The following DHX33 variants were observed in gnomAD, a reference collection of about 807,000 sequenced individuals.
DHX33 encodes the protein DEAH-box helicase 33.
A neutral mutation model predicts 72.5 loss-of-function variants in DHX33; 42 were observed. That is an observed-to-expected ratio of 0.58 (90% CI 0.45 to 0.75). The LOEUF is 0.75. DHX33 is among the 30% of genes least tolerant of loss of function. DHX33 has a pLI of 0.00. For missense variants in DHX33, 842 were observed against 917.5 expected (o/e 0.92, Z 1.06); for synonymous variants, 358 against 366.1 (o/e 0.98, Z 0.25).
chr17:5,441,593 T>C lies in DHX33; in HGVS notation c.*2612A>G, dbSNP rs1416892852. 6.6e-6 allele frequency: 1 copy of C among 152,208 alleles called. No homozygotes were observed. Among genetic ancestry groups the C allele is most frequent in the Admixed American group, 6.5e-5 (1 of 15,284 alleles). 9.4% of individuals were successfully genotyped at this position (152,208 alleles called of 1,614,324 possible). ...AAGTGTACTATCTCCTGCAGCTCAA[T>C]ATAAACAACGATGTATTTCTTTGTA... On this transcript the variant is annotated 3_prime_UTR_variant, in exon 12 of 12. Transcript: ENST00000225296.
At position 5,460,921 on chromosome 17, in the gene DHX33, T is replaced by C; in HGVS notation, c.849+18A>G. ...AGATAAAAGAGAACTTTTCAGGAAT[T>C]TGCCCCCAGCACCATACCTGGTGGA... On this transcript the variant is annotated intron_variant, in intron 4 of 11. Coordinates refer to ENST00000225296, the MANE Select transcript of DHX33 (RefSeq NM_020162.4). 6.3e-7 allele frequency: 1 copy of C among 1,595,300 alleles called. No individual in the cohort carries two copies. The highest frequency in any genetic ancestry group is 8.6e-7 in the Non-Finnish European group (1 of 1,167,944).
In DHX33 at chr17:5,462,301, G is replaced by GGGAAGTTTCCCTCATACTTTCAGA. The variant is rs756826983; in HGVS notation, c.672_678+17dup. 3 of 1,606,718 alleles carry GGGAAGTTTCCCTCATACTTTCAGA rather than the reference G, an allele frequency of 1.9e-6. No homozygotes were observed. In the African/African-American group the frequency reaches 4.0e-5, roughly 22 times the overall value. ...GGGGAAGTTTCCCTCATACTTTCAG[G>GGGAAGTTTCCCTCATACTTTCAGA]GGAAGTTTCCCTCATACTTTCAGAG... On this transcript the variant is annotated intron_variant, in intron 3 of 11. Coordinates refer to ENST00000225296, the MANE Select transcript of DHX33 (RefSeq NM_020162.4).
At chr17:5,460,917 G>A (rs760380631) in intron 4 of DHX33, 22 bp downstream of exon 4, 3 of 1,593,424 alleles carry the variant, frequency 1.9e-6, no homozygotes, top group South Asian at 1.1e-5. Flanking sequence ...AACTTTTCAG[G>A]AATTTGCCCC....
In DHX33 at chr17:5,442,280, G is replaced by C. The variant is rs1916466406; in HGVS notation, c.*1925C>G. ...TTTTTTTTTTTTTTTTTTTTTACCA[G>C]CACTATGAATGATTAAAAATACAAT... On this transcript the variant is annotated 3_prime_UTR_variant, in exon 12 of 12. Coordinates refer to ENST00000225296, the MANE Select transcript of DHX33 (RefSeq NM_020162.4). 8.0e-6 allele frequency: 1 copy of C among 125,714 alleles called. No individual in the cohort carries two copies. Among genetic ancestry groups the C allele is most frequent in the Non-Finnish European group, 1.6e-5 (1 of 61,582 alleles). 7.8% of individuals were successfully genotyped at this position (125,714 alleles called of 1,614,324 possible).
chr17:5,455,023 G>C (rs1043465201), intron 6 of DHX33, 137 bp downstream of exon 6: 49 of 740,412 alleles, frequency 6.6e-5, no homozygotes, highest in Non-Finnish European at 1.0e-4. Context: ...TGGAGTGTAG[G>C]TGATCTCACT....
chr17:5,448,727 C>A, intron 11 of DHX33, 82 bp downstream of exon 11: 1 of 984,416 alleles, frequency 1.0e-6, no homozygotes, highest in Non-Finnish European at 1.5e-6. Context: ...TTTATAATCA[C>A]TAGCAATAAG....
At chr17:5,463,363 A>G (rs1429612053) in intron 2 of DHX33, among the ~76,000 whole-genome samples, 166 bp downstream of exon 2, 1 of 152,230 alleles carries the variant, frequency 6.6e-6, no homozygotes, top group Non-Finnish European at 1.5e-5. Flanking sequence ...CATGGGACCA[A>G]TAGAGCCCCT....
rs1272055137 is a variant in DHX33 at position 5,441,236 on chromosome 17, T to G, written c.*2969A>C. 2 of 152,258 alleles carry G rather than the reference T, an allele frequency of 1.3e-5. No homozygotes were observed. Among genetic ancestry groups the G allele is most frequent in the Non-Finnish European group, 2.9e-5 (2 of 68,052 alleles). 9.4% of individuals were successfully genotyped at this position (152,258 alleles called of 1,614,324 possible). On this transcript the variant is annotated 3_prime_UTR_variant, in exon 12 of 12. Coordinates refer to ENST00000225296, the MANE Select transcript of DHX33 (RefSeq NM_020162.4). ...TCAGTTTCACCCACAGGGCAGAACT[T>G]GCCTCCATTCAGGCATCTCTTTACA...
intron 1 of DHX33, 27 bp from the exon 2 acceptor site, chr17:5,463,716 A>C (rs1904748068): frequency 6.7e-7 from 1 of 1,493,932 alleles, no homozygotes; most frequent in South Asian, 1.2e-5. Context: ...AAAAAAAAAA[A>C]GGCTCACTGA....
rs780181372 is a variant in DHX33 at position 5,456,201 on chromosome 17, G to A, written c.850-19C>T. ...GGGCTTCCTGTAAAAAAAGTAGAGT[G>A]GGTTTACTAGGCATTGATAGAATTG... On this transcript the variant is annotated intron_variant, in intron 4 of 11. Transcript: ENST00000225296. The A allele has an allele frequency of 1.9e-6, 3 of 1,611,390 alleles. No homozygotes were observed. Among genetic ancestry groups the A allele is most frequent in the Non-Finnish European group, 2.5e-6 (3 of 1,177,798 alleles).
At position 5,444,010 on chromosome 17, in the gene DHX33, C is replaced by A. The variant is rs1916532884; in HGVS notation, c.*195G>T. 7.1e-6 allele frequency: 4 copies of A among 566,616 alleles called. No individual in the cohort carries two copies. In the South Asian group the frequency reaches 1.0e-4, roughly 15 times the overall value. The allele number at this position is 566,616 out of a possible 1,614,324, so 35.1% of individuals were successfully genotyped here. A position where few individuals can be genotyped will look rare whatever the true frequency, so the allele number is the denominator to read the frequency against. ...ACCAAAAGCATAATTTTGAGGTTTCCAGGTACAAATGATATGTCCATGTCT... is the reference window on the plus strand; with the variant it reads ...ACCAAAAGCATAATTTTGAGGTTTCAAGGTACAAATGATATGTCCATGTCT... On this transcript the variant is annotated 3_prime_UTR_variant, in exon 12 of 12. Transcript: ENST00000225296. This position sits in a 1 kb window ranked among gnomAD's most constrained non-coding sequence, Gnocchi z 4.9.
chr17:5,468,223 C>G (rs533081405), intron 1 of DHX33, among the ~76,000 whole-genome samples: 6 of 152,218 alleles, frequency 3.9e-5, no homozygotes, highest in African/African-American at 7.2e-5. Context: ...GGCTTTCCCC[C>G]CTGCCTAGAA....
rs1018249443 is a variant in DHX33, at chr17:5,442,311, T to C, written c.*1894A>G. 3.3e-5 allele frequency: 5 copies of C among 150,862 alleles called. No individual in the cohort carries two copies. The highest frequency in any genetic ancestry group is 1.2e-4 in the African/African-American group (5 of 40,832). The allele number at this position is 150,862 out of a possible 1,614,324, so 9.3% of individuals were successfully genotyped here. A position where few individuals can be genotyped will look rare whatever the true frequency, so the allele number is the denominator to read the frequency against. ...TGAATGATTAAAAATACAATATTTT[T>C]CTTACTAAGTAGGACTAAACATTCT... On this transcript the variant is annotated 3_prime_UTR_variant, in exon 12 of 12. Coordinates refer to ENST00000225296, the MANE Select transcript of DHX33 (RefSeq NM_020162.4).
chr17:5,445,605 G>A (rs1206734807), intron 11 of DHX33, among the ~76,000 whole-genome samples: 1 of 152,184 alleles, frequency 6.6e-6, no homozygotes, highest in Non-Finnish European at 1.5e-5. Flanking sequence ...ACAAACCAGT[G>A]GTACACACAC....
rs1339783397 is a variant in DHX33 at position 5,462,518 on chromosome 17, ACAT to A, written c.476_478del (p.Asp159del). The A allele has an allele frequency of 9.9e-6, 16 of 1,614,044 alleles. No homozygotes were observed. Among genetic ancestry groups the A allele is most frequent in the Non-Finnish European group, 1.4e-5 (16 of 1,180,020 alleles). On this transcript the variant is annotated inframe_deletion, in exon 3 of 12. Transcript: ENST00000225296. ...CTTGATCCTGGTGTCTTCTGAGGTGACATCATCAAAGCGCACTGTATAGCCAAC... is the reference window on the plus strand; with the variant it reads ...CTTGATCCTGGTGTCTTCTGAGGTGACATCAAAGCGCACTGTATAGCCAAC...
At position 5,462,344 on chromosome 17, in the gene DHX33, T is replaced by C; in HGVS notation, c.653A>G (p.Lys218Arg). 6 of 1,614,162 alleles carry C rather than the reference T, an allele frequency of 3.7e-6. No homozygotes were observed. Among genetic ancestry groups the C allele is most frequent in the Non-Finnish European group, 5.1e-6 (6 of 1,179,996 alleles). ...TTTCAGAGGAAGTTTCCCGAGTTCC[T>C]TTCTCCTCTTCTGTGCAGCTTTCAC... is the stretch of plus-strand genomic sequence containing the variant. The part of the protein sequence containing the change: ...GVVKAAQKRR[K>R]ELGKLPLKVI... The change falls in exon 3 of 12, where the codon AAG (lysine) becomes AGG (arginine). Residue 218 changes from lysine to arginine, a missense_variant. Lys to Arg is a conservative substitution (Grantham distance 26, BLOSUM62 2). Coordinates refer to ENST00000225296, the MANE Select transcript of DHX33 (RefSeq NM_020162.4).
In DHX33 at chr17:5,444,510, A is replaced by G. The variant is rs1462732001; in HGVS notation, c.1819T>C (p.Ser607Pro). 3 of 1,613,066 alleles carry G rather than the reference A, an allele frequency of 1.9e-6. No individual in the cohort carries two copies. The highest frequency in any genetic ancestry group is 1.7e-5 in the Admixed American group (1 of 60,014). ...AQLRDICLKMSMPIASSRGDV... is the reference protein window; with the variant it reads ...AQLRDICLKMPMPIASSRGDV... ...CCTCGGGATGATGCGATTGGCATTG[A>G]CATCTGTTTCGGGAGAAAGCGAGGA... Residue 607 changes from serine (S) to proline (P), a missense_variant, in exon 12 of 12, where the codon TCA becomes CCA. Transcript: ENST00000225296. The surrounding 1 kb of genome is among the most constrained non-coding windows in gnomAD (Gnocchi z 4.9).
At chr17:5,454,001 A>G (rs1328346473) in intron 6 of DHX33, 21 bp from the exon 7 acceptor site, 2 of 1,610,364 alleles carry the variant, frequency 1.2e-6, no homozygotes, top group Non-Finnish European at 8.5e-7. Context: ...AGTGAGCCCC[A>G]TTAGTGCTTC....
intron 11 of DHX33, among the ~76,000 whole-genome samples, chr17:5,445,442 C>T (rs1001308878): frequency 6.6e-5 from 10 of 152,198 alleles, no homozygotes; most frequent in African/African-American, 1.7e-4. Context: ...TTCCTCGCCC[C>T]GTTTCATGAT....
Sources: gnomAD v4.1 joint callset for allele counts (sites outside exome capture counted in the v4.1 genomes callset) on GRCh38, gnomAD v4.1.1 for gene constraint, Gnocchi (gnomAD v3.1) non-coding constraint, MANE v1.5 for transcripts, NCBI Gene and HGNC (gene_info 2026-07-23, HGNC 2026-07-21) for gene names.